LRCH2: variants seen among roughly 807,000 people sequenced by gnomAD.
LRCH2 encodes leucine rich repeats and calponin homology domain containing 2.
A neutral mutation model predicts 68.9 loss-of-function variants in LRCH2; 38 were observed. That is an observed-to-expected ratio of 0.55 (90% confidence interval 0.43 to 0.72). LRCH2 has a LOEUF of 0.72. Ranked by LOEUF, LRCH2 falls within the 30% of genes least tolerant of loss-of-function variation. The pLI is 0.00. For synonymous variants in LRCH2, 191 were observed against 208.1 expected, an observed-to-expected ratio of 0.92 and a Z score of 0.71; for missense variants, 528 against 572.9, an observed-to-expected ratio of 0.92 and a Z score of 0.80.
chrX:115,165,303 T>G lies in LRCH2; in HGVS notation c.1355+102A>C, dbSNP rs1201539435. On this transcript the variant is annotated intron_variant, in intron 10 of 20. Transcript: ENST00000317135. Reference sequence around the variant, plus strand: ...TAACTATCTAAACATAAGAGGTAAGTGAACAAAAAATTATATTTTTTTCAA... The same window carrying G: ...TAACTATCTAAACATAAGAGGTAAGGGAACAAAAAATTATATTTTTTTCAA... 8.9e-6 allele frequency: 5 copies of G among 564,052 alleles called. No homozygotes were observed. In the East Asian group the frequency reaches 1.1e-4, roughly 13 times the overall value. 46.5% of individuals were successfully genotyped at this position (564,052 alleles called of 1,213,427 possible).
chrX:115,151,025 A>G (rs953629367), intron 12 of LRCH2, among the ~76,000 whole-genome samples: 2 of 111,769 alleles, frequency 1.8e-5, no homozygotes, highest in African/African-American at 6.5e-5. Flanking sequence ...TCTTGGATAG[A>G]TAAGTATTAC....
At chrX:115,173,576 C>A (rs2072621942) in intron 5 of LRCH2, among the ~76,000 whole-genome samples, 1 of 111,873 alleles carries the variant, frequency 8.9e-6, no homozygotes, top group Non-Finnish European at 1.9e-5. Flanking sequence ...TGCAACCCCC[C>A]CAGCCTTCCA....
intron 1 of LRCH2, among the ~76,000 whole-genome samples, chrX:115,196,379 G>A (rs1162203210): frequency 9.0e-6 from 1 of 110,874 alleles, no homozygotes; most frequent in Non-Finnish European, 1.9e-5. Flanking sequence ...TTTCACCAGG[G>A]GCATGACGAC....
At chrX:115,220,307 A>G (rs2073069455) in intron 1 of LRCH2, among the ~76,000 whole-genome samples, 2 of 112,430 alleles carry the variant, frequency 1.8e-5, no homozygotes, top group African/African-American at 6.5e-5. Context: ...TGAAAGAACA[A>G]TGTAGAAGAA....
In LRCH2 at chrX:115,153,988, T is replaced by C. The variant is rs941197658; in HGVS notation, c.1529+2614A>G. Among the ~76,000 whole-genome samples the C allele has an allele frequency of 4.5e-5, 5 of 111,675 alleles. No individual in the cohort carries two copies. In the East Asian group the frequency reaches 1.4e-3, roughly 31 times the overall value. On this transcript the variant is annotated intron_variant, in intron 12 of 20. Transcript: ENST00000317135. ...GATTCAATAAAAAGCAGGAAGATAC[T>C]ACCATATGCTAACTATAAGAAATGC...
chrX:115,211,799 G>A (rs1246286836), intron 1 of LRCH2, among the ~76,000 whole-genome samples: 2 of 111,284 alleles, frequency 1.8e-5, no homozygotes, highest in Non-Finnish European at 3.8e-5. Flanking sequence ...GAGGCAGAAT[G>A]TAAATCTTAC....
At chrX:115,137,356 C>T (rs890091408) in intron 14 of LRCH2, among the ~76,000 whole-genome samples, 1 of 109,310 alleles carries the variant, frequency 9.1e-6, no homozygotes, top group Admixed American at 9.9e-5. Context: ...ATTTAGGGAA[C>T]AGAAAAAAAG....
chrX:115,128,407 T>C (rs2072216818), intron 15 of LRCH2, among the ~76,000 whole-genome samples: 1 of 112,021 alleles, frequency 8.9e-6, no homozygotes, highest in African/African-American at 3.2e-5. Flanking sequence ...TATACATACA[T>C]ACCTATGATA....
intron 1 of LRCH2, among the ~76,000 whole-genome samples, chrX:115,193,526 T>C (rs782090310): frequency 1.8e-5 from 2 of 112,447 alleles, no homozygotes; most frequent in African/African-American, 6.5e-5. Context: ...CACACAAATA[T>C]ACTTCCATTC....
chrX:115,119,199 T>C (rs2072112474), intron 20 of LRCH2, among the ~76,000 whole-genome samples: 1 of 109,695 alleles, frequency 9.1e-6, no homozygotes. Flanking sequence ...AAATAAAGGG[T>C]ATTCAATTAG....
At chrX:115,173,302 A>G (rs2072618995) in intron 5 of LRCH2, among the ~76,000 whole-genome samples, 1 of 111,747 alleles carries the variant, frequency 8.9e-6, no homozygotes, top group Non-Finnish European at 1.9e-5. Context: ...ATCTGCCTCG[A>G]TAAGCCGGGG....
At position 115,149,910 on chromosome X, in the gene LRCH2, G is replaced by T. The variant is rs1603041392; in HGVS notation, c.1612C>A (p.Gln538Lys). 4 of 1,203,277 alleles carry T rather than the reference G, an allele frequency of 3.3e-6. No individual in the cohort carries two copies. In the East Asian group the frequency reaches 1.2e-4, roughly 36 times the overall value. ...LENQKDQIDE[Q>K]PWPESHPIIW... ...ATAGGGTGAGATTCTGGCCACGGTT[G>T]TTCATCTATTTGATCCTTCTGATTT... The change falls in exon 14 of 21, where the codon CAA becomes AAA. Residue 538 changes from glutamine (Q) to lysine (K), a missense_variant. By Grantham distance (53) the Gln-to-Lys change is moderately conservative (BLOSUM62 1). Coordinates refer to ENST00000317135, the MANE Select transcript of LRCH2 (RefSeq NM_020871.4).
At chrX:115,119,829 T>C (rs2072120144) in intron 20 of LRCH2, among the ~76,000 whole-genome samples, 1 of 105,459 alleles carries the variant, frequency 9.5e-6, no homozygotes, top group African/African-American at 3.5e-5. Context: ...GAGATATAGA[T>C]CAATGGAACA....
In LRCH2 at chrX:115,118,175, C is replaced by T. The variant is rs190059082; in HGVS notation, c.2178+4352G>A. Among the ~76,000 whole-genome samples the T allele has an allele frequency of 8.5e-3, 935 of 109,366 alleles. 13 individuals carry two copies. The highest frequency in any genetic ancestry group is 0.03 in the African/African-American group (902 of 30,134). The allele number at this position is 109,366 out of a possible 115,157, so 95.0% of individuals were successfully genotyped here. On this transcript the variant is annotated intron_variant, in intron 20 of 20. Coordinates refer to ENST00000317135, the MANE Select transcript of LRCH2 (RefSeq NM_020871.4). ...CAGCCTGGGCAACACAGTCAGACTC[C>T]ATCTCTAAAAAAAGGGTTTTTTTTA...
rs1215684260 is a variant in LRCH2 at position 115,111,542 on chromosome X, T to C, written c.*1674A>G. 1 of 110,684 alleles carries C rather than the reference T, an allele frequency of 9.0e-6. No individual in the cohort carries two copies. The highest frequency in any genetic ancestry group is 1.9e-5 in the Non-Finnish European group (1 of 52,861). 9.1% of individuals were successfully genotyped at this position (110,684 alleles called of 1,213,427 possible). ...CCAAGTTTTCACTAGGGAGATTATG[T>C]CAGCGAGTTTTTTTTTTATCCAACT... On this transcript the variant is annotated 3_prime_UTR_variant, in exon 21 of 21. Coordinates refer to ENST00000317135, the MANE Select transcript of LRCH2 (RefSeq NM_020871.4).
intron 1 of LRCH2, among the ~76,000 whole-genome samples, chrX:115,223,166 A>G (rs1556574735): frequency 1.8e-5 from 2 of 111,527 alleles, no homozygotes; most frequent in African/African-American, 6.5e-5. Flanking sequence ...CTGATCTTAC[A>G]TGACACACAA....
At chrX:115,157,037 CAT>C (rs1383246415) in intron 11 of LRCH2, among the ~76,000 whole-genome samples, 19 of 111,042 alleles carry the variant, frequency 1.7e-4, no homozygotes, top group African/African-American at 5.9e-4. Context: ...TTATGTAATA[CAT>C]AGTTATTTTG....
At chrX:115,168,498 A>T (rs2072581464) in intron 6 of LRCH2, among the ~76,000 whole-genome samples, 1 of 112,084 alleles carries the variant, frequency 8.9e-6, no homozygotes, top group Non-Finnish European at 1.9e-5. Flanking sequence ...CATTAATTAC[A>T]TGTTGAAATG....
At chrX:115,222,849 T>C (rs1556574624) in intron 1 of LRCH2, among the ~76,000 whole-genome samples, 1 of 111,740 alleles carries the variant, frequency 8.9e-6, no homozygotes, top group Non-Finnish European at 1.9e-5. Flanking sequence ...GTGTAGCTTA[T>C]CCTGAAATTC....
Sources: allele counts gnomAD v4.1 joint callset (sites outside exome capture counted in the v4.1 genomes callset), GRCh38; gene constraint gnomAD v4.1.1; transcripts MANE v1.5; gene names NCBI Gene and HGNC (gene_info 2026-07-23, HGNC 2026-07-21).